The following ADAM12 variants were observed in gnomAD, a reference collection of about 807,000 sequenced individuals.
The protein encoded by ADAM12 is disintegrin and metalloproteinase domain-containing protein 12.
Under a neutral mutation model 106.4 loss-of-function variants are expected in ADAM12, and 70 were observed. The observed-to-expected ratio is 0.66, with a 90% CI of 0.54 to 0.80. The LOEUF (loss-of-function observed/expected upper bound fraction) is 0.80, where lower values mean the gene tolerates loss of function less well. ADAM12 is among the 30% of genes least tolerant of loss of function. ADAM12 has a pLI of 0.00. For missense variants in ADAM12, 1,010 were observed against 1,171.9 expected (o/e 0.86, Z 2.02); for synonymous variants, 420 against 433.5 (o/e 0.97, Z 0.39).
chr10:126,041,992 C>T, intron 18 of ADAM12: 1 of 1,434,710 alleles, frequency 7.0e-7, no homozygotes, highest in East Asian at 2.5e-5. Flanking sequence ...CCCTCCTGAG[C>T]CCCGAGAACT....
chr10:126,382,675 C>T (rs1049488443), intron 1 of ADAM12, among the ~76,000 whole-genome samples: 3 of 152,142 alleles, frequency 2.0e-5, no homozygotes, highest in African/African-American at 7.2e-5. Context: ...CTCTTTAATG[C>T]CCCGTTATTA....
At chr10:126,307,915 T>C (rs1202262209) in intron 2 of ADAM12, among the ~76,000 whole-genome samples, 2 of 152,242 alleles carry the variant, frequency 1.3e-5, no homozygotes, top group Non-Finnish European at 2.9e-5. Flanking sequence ...TTTGAAAACA[T>C]GTCTAGCTAC....
At chr10:126,038,168 C>G (rs1168780084) in intron 20 of ADAM12, 73 bp downstream of exon 20, 55 of 1,337,250 alleles carry the variant, frequency 4.1e-5, no homozygotes, top group Non-Finnish European at 5.2e-5. Flanking sequence ...GGATCCCATT[C>G]TTATTCAGTC....
intron 3 of ADAM12, among the ~76,000 whole-genome samples, chr10:126,162,800 G>C (rs1464183633): frequency 6.6e-6 from 1 of 152,150 alleles, no homozygotes; most frequent in Non-Finnish European, 1.5e-5. Context: ...TCATAAAGGA[G>C]AGAAGAGACA....
Position 126,109,846 on chromosome 10 carries a change from A to C in ADAM12, c.604-6T>G, listed in dbSNP as rs749510144. ...TTGAGGGTCTCTCTTTTATGCTGCCAAGAGTAAACATGCACTTAATCTCTC... is the reference window on the plus strand; with the variant it reads ...TTGAGGGTCTCTCTTTTATGCTGCCCAGAGTAAACATGCACTTAATCTCTC... On this transcript the variant is annotated splice_region_variant and splice_polypyrimidine_tract_variant and intron_variant, in intron 6 of 22. Transcript: ENST00000448723. 6.2e-7 allele frequency: 1 copy of C among 1,612,178 alleles called. No homozygotes were observed.
intron 1 of ADAM12, among the ~76,000 whole-genome samples, chr10:126,381,815 T>A (rs1008460264): frequency 6.6e-6 from 1 of 151,720 alleles, no homozygotes; most frequent in Admixed American, 6.6e-5. Context: ...AATTTAAAAA[T>A]TAAGAACAAA....
Position 126,176,315 on chromosome 10 carries a change from C to T in ADAM12, c.261-21010G>A, listed in dbSNP as rs180912371. ...CAGCTCACCAAGAGGGTAAACACTGCTCTCGGCCAAGGCCATGATTCAAAA... is the reference window on the plus strand; with the variant it reads ...CAGCTCACCAAGAGGGTAAACACTGTTCTCGGCCAAGGCCATGATTCAAAA... On this transcript the variant is annotated intron_variant, in intron 3 of 22. Transcript: ENST00000448723. Among the ~76,000 whole-genome samples the T allele has an allele frequency of 4.3e-4, 65 of 152,374 alleles. 1 individual carries two copies. Among genetic ancestry groups the T allele is most frequent in the Admixed American group, 1.7e-3 (26 of 15,308 alleles).
At position 126,023,126 on chromosome 10, in the gene ADAM12, C is replaced by T. The variant is rs559407868; in HGVS notation, c.2530-3301G>A. Among the ~76,000 whole-genome samples the T allele has an allele frequency of 3.6e-4, 55 of 152,292 alleles. No homozygotes were observed. In the South Asian group the frequency reaches 4.6e-3, roughly 13 times the overall value. On this transcript the variant is annotated intron_variant, in intron 21 of 22. Transcript: ENST00000448723. ...CCAGAGATGCCCCAGAGATCCCTGA[C>T]GAGCTCATGCAGGGCTGGGGCGGCA...
intron 1 of ADAM12, among the ~76,000 whole-genome samples, chr10:126,377,984 A>C (rs1856355072): frequency 6.6e-6 from 1 of 152,234 alleles, no homozygotes; most frequent in Admixed American, 6.5e-5. Context: ...TGTTTAAACT[A>C]AACTTAAAAA....
chr10:126,108,577 C>G lies in ADAM12; in HGVS notation c.741+16G>C, dbSNP rs1338377611. On this transcript the variant is annotated intron_variant, in intron 8 of 22. Coordinates refer to ENST00000448723, the MANE Select transcript of ADAM12 (RefSeq NM_001288973.2). ...TTACATGATCTGAATGATTTAACTA[C>G]TGAAAAAGAACTTACCTTGTCAACG... The G allele has an allele frequency of 6.2e-7, 1 of 1,608,852 alleles. No individual in the cohort carries two copies. Among genetic ancestry groups the G allele is most frequent in the South Asian group, 1.1e-5 (1 of 90,944 alleles).
At chr10:126,228,255 C>A (rs556203906) in intron 3 of ADAM12, among the ~76,000 whole-genome samples, 1 of 152,198 alleles carries the variant, frequency 6.6e-6, no homozygotes, top group Non-Finnish European at 1.5e-5. Flanking sequence ...TTGGTATTAA[C>A]AAAGGCTTAA....
At chr10:126,060,526 G>T (rs1954731350) in intron 14 of ADAM12, among the ~76,000 whole-genome samples, 1 of 152,230 alleles carries the variant, frequency 6.6e-6, no homozygotes, top group South Asian at 2.1e-4. Flanking sequence ...GATGACCCCA[G>T]TGCATACGTG....
At chr10:126,143,687 G>T (rs1956569798) in intron 4 of ADAM12, among the ~76,000 whole-genome samples, 1 of 151,082 alleles carries the variant, frequency 6.6e-6, no homozygotes, top group African/African-American at 2.4e-5. Flanking sequence ...TGCATATATG[G>T]GTGTGCATGT....
chr10:126,157,597 G>A (rs1956842701), intron 3 of ADAM12, among the ~76,000 whole-genome samples: 1 of 152,228 alleles, frequency 6.6e-6, no homozygotes. Flanking sequence ...AACAGCGAGT[G>A]TTTGAGAGAG....
chr10:126,137,853 C>T (rs1956434884), intron 4 of ADAM12, among the ~76,000 whole-genome samples: 1 of 152,210 alleles, frequency 6.6e-6, no homozygotes, highest in African/African-American at 2.4e-5. Context: ...CATGTGTACA[C>T]ATTTTTGTAA....
chr10:126,299,168 A>C (rs2133795040), intron 2 of ADAM12, among the ~76,000 whole-genome samples: 1 of 152,324 alleles, frequency 6.6e-6, no homozygotes, highest in East Asian at 1.9e-4. Context: ...CCAGTGAATA[A>C]GTTTACAACA....
At chr10:126,192,049 G>A (rs1957511901) in intron 3 of ADAM12, among the ~76,000 whole-genome samples, 1 of 152,118 alleles carries the variant, frequency 6.6e-6, no homozygotes, top group Admixed American at 6.6e-5. Flanking sequence ...GCACCAAGGG[G>A]AAAGTCTGCC....
intron 2 of ADAM12, among the ~76,000 whole-genome samples, chr10:126,302,081 T>A (rs1053029026): frequency 1.3e-5 from 2 of 152,212 alleles, no homozygotes; most frequent in Non-Finnish European, 2.9e-5. Context: ...TAGTGTGTTC[T>A]CCAGAGGGAT....
intron 2 of ADAM12, among the ~76,000 whole-genome samples, chr10:126,311,084 TACACACAAATACAC>T (rs1961066628): frequency 1.2e-5 from 1 of 80,438 alleles, no homozygotes; most frequent in African/African-American, 4.2e-5. Context: ...TCATTATACA[TACACACAAATACAC>T]ACACACACAC....
Sources: gnomAD v4.1 joint callset for allele counts (sites outside exome capture counted in the v4.1 genomes callset) on GRCh38, gnomAD v4.1.1 for gene constraint, MANE v1.5 for transcripts, NCBI Gene and HGNC (gene_info 2026-07-23, HGNC 2026-07-21) for gene names.